The following RAPGEF5 variants were observed in gnomAD, a reference collection of about 807,000 sequenced individuals.
The protein encoded by RAPGEF5 is Rap guanine nucleotide exchange factor 5, also known as M-Ras-regulated GEF.
A neutral mutation model predicts 125.2 loss-of-function variants in RAPGEF5; 65 were observed. The observed-to-expected ratio is 0.52, with a 90% CI of 0.43 to 0.64. The LOEUF (loss-of-function observed/expected upper bound fraction) is 0.64, where lower values mean the gene tolerates loss of function less well. Among genes scored for constraint, RAPGEF5 ranks in the 30% least tolerant of loss-of-function variants. RAPGEF5 has a pLI of 0.00. For missense variants in RAPGEF5, 958 were observed against 1,048.1 expected (o/e 0.91, Z 1.19); for synonymous variants, 391 against 385.9 (o/e 1.01, Z -0.16).
intron 17 of RAPGEF5, among the ~76,000 whole-genome samples, chr7:22,154,133 C>T (rs1199232424): frequency 6.6e-6 from 1 of 152,068 alleles, no homozygotes; most frequent in African/African-American, 2.4e-5. Context: ...AAAGTAATTT[C>T]ACTCTTTAGC....
At chr7:22,150,286 TG>T in intron 18 of RAPGEF5, 120 bp downstream of exon 18, 1 of 951,974 alleles carries the variant, frequency 1.1e-6, no homozygotes, top group Non-Finnish European at 1.6e-6. Flanking sequence ...ACTTCTAAGC[TG>T]GTCTCAAACT....
chr7:22,253,521 A>G (rs1443091064), intron 7 of RAPGEF5, among the ~76,000 whole-genome samples: 1 of 152,228 alleles, frequency 6.6e-6, no homozygotes, highest in Non-Finnish European at 1.5e-5. Context: ...AAATAAGCAT[A>G]AACTTTTAAT....
At chr7:22,179,664 CAT>C (rs139634048) in intron 11 of RAPGEF5, among the ~76,000 whole-genome samples, 3,588 of 152,216 alleles carry the variant, frequency 0.024, 51 homozygotes, top group Middle Eastern at 0.058. Flanking sequence ...GATAAAACAA[CAT>C]GTGGTAAAGA....
intron 24 of RAPGEF5, among the ~76,000 whole-genome samples, chr7:22,126,649 T>G (rs1782754481): frequency 6.6e-6 from 1 of 152,220 alleles, no homozygotes; most frequent in African/African-American, 2.4e-5. Flanking sequence ...AGTCTTGCTC[T>G]GTCACCCAGG....
At chr7:22,303,227 T>C (rs1783253565) in intron 5 of RAPGEF5, among the ~76,000 whole-genome samples, 1 of 152,236 alleles carries the variant, frequency 6.6e-6, no homozygotes, top group Admixed American at 6.5e-5. Flanking sequence ...CTAGAAACAG[T>C]ACATTCTGGA....
chr7:22,210,830 A>G (rs1785493183), intron 9 of RAPGEF5, among the ~76,000 whole-genome samples: 1 of 152,164 alleles, frequency 6.6e-6, no homozygotes, highest in Non-Finnish European at 1.5e-5. Flanking sequence ...AAATGCTGGA[A>G]AAAGAGGGGA....
chr7:22,191,664 G>A (rs1785001450), intron 11 of RAPGEF5: 1 of 470,948 alleles, frequency 2.1e-6, no homozygotes. Context: ...GCAAGAATAA[G>A]TCACTAGACA....
At chr7:22,189,667 G>C (rs1454739154) in intron 11 of RAPGEF5, among the ~76,000 whole-genome samples, 7 of 150,506 alleles carry the variant, frequency 4.7e-5, no homozygotes, top group African/African-American at 1.7e-4. Flanking sequence ...CCTGAACCTT[G>C]GAAAAAAAAA....
At chr7:22,217,178 G>A (rs763544129) in intron 9 of RAPGEF5, among the ~76,000 whole-genome samples, 19 of 152,208 alleles carry the variant, frequency 1.2e-4, no homozygotes, top group Non-Finnish European at 2.2e-4. Context: ...GGATGAAGTC[G>A]ATGAAGCATT....
intron 16 of RAPGEF5, among the ~76,000 whole-genome samples, chr7:22,156,521 C>T (rs960354407): frequency 2.6e-5 from 4 of 152,200 alleles, no homozygotes; most frequent in Non-Finnish European, 5.9e-5. Context: ...GGCTGAGTCT[C>T]CCGTTCATTT....
intron 2 of RAPGEF5, among the ~76,000 whole-genome samples, chr7:22,316,586 G>C (rs1375375029): frequency 3.4e-5 from 5 of 146,708 alleles, no homozygotes; most frequent in African/African-American, 1.3e-4. Context: ...GGCTTCCCAA[G>C]CTCAGTCGAT....
intron 5 of RAPGEF5, among the ~76,000 whole-genome samples, chr7:22,294,042 A>G (rs1422619408): frequency 6.6e-6 from 1 of 152,246 alleles, no homozygotes; most frequent in Admixed American, 6.5e-5. Flanking sequence ...AAGGAAACAG[A>G]TGCAGCAGAG....
At chr7:22,273,209 G>A (rs958697370) in intron 6 of RAPGEF5, among the ~76,000 whole-genome samples, 8 of 137,122 alleles carry the variant, frequency 5.8e-5, no homozygotes, top group African/African-American at 2.2e-4. Flanking sequence ...GCACTTAGGA[G>A]TATTTTTTTT....
chr7:22,241,353 G>A (rs555670782), intron 7 of RAPGEF5, among the ~76,000 whole-genome samples: 1 of 152,144 alleles, frequency 6.6e-6, no homozygotes, highest in East Asian at 1.9e-4. Context: ...GTGTCCTTGT[G>A]TTTGCAAATA....
At chr7:22,299,087 T>A (rs1436081233) in intron 5 of RAPGEF5, among the ~76,000 whole-genome samples, 3 of 151,794 alleles carry the variant, frequency 2.0e-5, no homozygotes, top group African/African-American at 7.3e-5. Context: ...TTCACTTACA[T>A]CAATTTTTGT....
chr7:22,229,368 C>T (rs937130856), intron 8 of RAPGEF5, among the ~76,000 whole-genome samples: 1 of 152,088 alleles, frequency 6.6e-6, no homozygotes. Context: ...AGGCACATTC[C>T]CCACGGTAAC....
At chr7:22,221,541 A>G (rs1416845802) in intron 8 of RAPGEF5, among the ~76,000 whole-genome samples, 1 of 152,138 alleles carries the variant, frequency 6.6e-6, no homozygotes, top group African/African-American at 2.4e-5. Flanking sequence ...TAATCCCCAC[A>G]TGTTGTGGGA....
chr7:22,131,488 T>C (rs1404118340), intron 23 of RAPGEF5, among the ~76,000 whole-genome samples: 1 of 152,218 alleles, frequency 6.6e-6, no homozygotes, highest in Non-Finnish European at 1.5e-5. Context: ...TTAGTAAGTA[T>C]GTGTTTGCTT....
rs553119441 is a variant in RAPGEF5 at position 22,145,049 on chromosome 7, C to T, written c.2181G>A (p.Ala727=). The stretch of plus-strand genomic sequence containing the variant: ...TTCTCACACTAGAAACTTACTGAGC[C>T]GCAATTTTGATGAATTTTTTCACCA... ...VQLVKKFIKI[A]AHCKAQRNLN... is the part of the protein sequence containing the mutation. The change falls in exon 20 of 26, where the codon GCG becomes GCA. Residue 727 remains alanine, a synonymous_variant. Transcript: ENST00000665637. The T allele has an allele frequency of 2.7e-5, 44 of 1,612,598 alleles. No individual in the cohort carries two copies. The highest frequency in any genetic ancestry group is 2.6e-4 in the South Asian group (24 of 90,904).
Sources: allele counts gnomAD v4.1 joint callset (sites outside exome capture counted in the v4.1 genomes callset), GRCh38; gene constraint gnomAD v4.1.1; transcripts MANE v1.5; gene names NCBI Gene and HGNC (gene_info 2026-07-23, HGNC 2026-07-21).